The following NEK11 variants were observed in gnomAD, a reference collection of about 807,000 sequenced individuals.
NEK11 encodes the protein NIMA related kinase 11.
A neutral mutation model predicts 80.7 loss-of-function variants in NEK11; 72 were observed. The observed-to-expected ratio is 0.89, with a 90% CI of 0.74 to 1.08. NEK11 has a LOEUF of 1.08. Among genes scored for constraint, NEK11 ranks in the 50% least tolerant of loss-of-function variants. NEK11 has a pLI of 0.00. For missense variants in NEK11, 764 were observed against 763.6 expected, an observed-to-expected ratio of 1.00 and a Z score of -0.01; for synonymous variants, 251 against 260.7, an observed-to-expected ratio of 0.96 and a Z score of 0.36.
At chr3:131,266,453 T>G (rs937702268) in intron 16 of NEK11, among the ~76,000 whole-genome samples, 1 of 152,078 alleles carries the variant, frequency 6.6e-6, no homozygotes, top group Admixed American at 6.6e-5. Flanking sequence ...TTCCGCCTAT[T>G]TCGTTATTTA....
At chr3:131,283,290 G>A (rs1462897083) in intron 17 of NEK11, among the ~76,000 whole-genome samples, 1 of 152,120 alleles carries the variant, frequency 6.6e-6, no homozygotes, top group Non-Finnish European at 1.5e-5. Flanking sequence ...ATCATGCTCT[G>A]GAACCTATTT....
intron 17 of NEK11, among the ~76,000 whole-genome samples, chr3:131,331,479 G>A (rs565146721): frequency 4.6e-4 from 70 of 152,312 alleles, no homozygotes; most frequent in Admixed American, 7.8e-4. Flanking sequence ...AAGGAGGGCA[G>A]CCAAGATGGC....
intron 17 of NEK11, among the ~76,000 whole-genome samples, chr3:131,278,556 TTG>T (rs898722805): frequency 5.0e-5 from 7 of 138,774 alleles, no homozygotes; most frequent in African/African-American, 1.6e-4. Context: ...TTGTTTTGTT[TTG>T]TTTTTTTTTG....
Position 131,267,327 on chromosome 3 carries a change from T to C in NEK11, c.1622-6151T>C, listed in dbSNP as rs1436811801. On this transcript the variant is annotated intron_variant, in intron 16 of 17. Transcript: ENST00000383366. ...AGCATGTTTTTGCAGTGGCTGGTAC[T>C]GGTCGTTCCTTTCCATGTTTAGTGC... 4.6e-5 allele frequency among the ~76,000 whole-genome samples: 7 copies of C among 152,246 alleles called. No homozygotes were observed. The East Asian group carries it at 1.3e-3, about 29-fold the overall frequency.
At chr3:131,123,421 T>A (rs1320169656) in intron 5 of NEK11, among the ~76,000 whole-genome samples, 1 of 152,208 alleles carries the variant, frequency 6.6e-6, no homozygotes, top group Non-Finnish European at 1.5e-5. Flanking sequence ...TGCCTCGGCC[T>A]CCCAAAGTGC....
At chr3:131,080,297 T>A in intron 3 of NEK11, 126 bp from the exon 4 acceptor site, 1 of 676,888 alleles carries the variant, frequency 1.5e-6, no homozygotes, top group East Asian at 2.8e-5. Flanking sequence ...AGTGTCATAA[T>A]AGGCAATACC....
intron 15 of NEK11, among the ~76,000 whole-genome samples, chr3:131,242,811 C>A (rs2095539058): frequency 6.6e-6 from 1 of 152,106 alleles, no homozygotes; most frequent in Admixed American, 6.6e-5. Context: ...TTATTTCAAG[C>A]CTGCTTGGTG....
At chr3:131,125,525 T>G (rs1373437214) in intron 5 of NEK11, among the ~76,000 whole-genome samples, 1 of 152,202 alleles carries the variant, frequency 6.6e-6, no homozygotes, top group East Asian at 1.9e-4. Flanking sequence ...TATAAATAAT[T>G]CTTTAGTAAA....
chr3:131,176,327 A>G (rs540626897), intron 14 of NEK11, among the ~76,000 whole-genome samples: 9 of 152,186 alleles, frequency 5.9e-5, no homozygotes, highest in Admixed American at 2.6e-4. Flanking sequence ...ACATTCCTAG[A>G]TCTTCCGTCA....
At chr3:131,030,721 C>T (rs1477435586) in intron 3 of NEK11, among the ~76,000 whole-genome samples, 1 of 152,212 alleles carries the variant, frequency 6.6e-6, no homozygotes, top group African/African-American at 2.4e-5. Context: ...TAATGACCCC[C>T]TTGTCACCTC....
chr3:131,104,863 G>T lies in NEK11; in HGVS notation c.337-4940G>T, dbSNP rs570054589. 3.3e-5 allele frequency among the ~76,000 whole-genome samples: 5 copies of T among 152,296 alleles called. No homozygotes were observed. The East Asian group carries it at 9.7e-4, about 29-fold the overall frequency. On this transcript the variant is annotated intron_variant, in intron 4 of 17. Transcript: ENST00000383366. Reference sequence around the variant, plus strand: ...CTCTCCTGTGCCCAAGATTACAAAGGTCATGCAGACATGTGGTCCTTGGGG... The same window carrying T: ...CTCTCCTGTGCCCAAGATTACAAAGTTCATGCAGACATGTGGTCCTTGGGG...
chr3:131,295,633 C>T (rs866463450), intron 17 of NEK11, among the ~76,000 whole-genome samples: 3 of 151,942 alleles, frequency 2.0e-5, no homozygotes, highest in African/African-American at 7.3e-5. Context: ...ATATATCTGC[C>T]CCATTTCATT....
chr3:131,238,239 T>G (rs2095465362), intron 15 of NEK11, among the ~76,000 whole-genome samples: 1 of 152,176 alleles, frequency 6.6e-6, no homozygotes, highest in South Asian at 2.1e-4. Flanking sequence ...CTCTTTCCTC[T>G]CCTACTTTAT....
intron 3 of NEK11, among the ~76,000 whole-genome samples, chr3:131,070,783 G>T (rs922590105): frequency 3.3e-5 from 5 of 152,124 alleles, no homozygotes; most frequent in Non-Finnish European, 4.4e-5. Flanking sequence ...ATTAAATCTG[G>T]AGACAAAAGT....
chr3:131,259,739 C>T (rs1176040478), intron 16 of NEK11, among the ~76,000 whole-genome samples: 1 of 152,094 alleles, frequency 6.6e-6, no homozygotes. Flanking sequence ...TTAAAGGTTG[C>T]TACTTGGAGG....
chr3:131,177,865 A>G (rs77827803), intron 14 of NEK11, among the ~76,000 whole-genome samples: 2,563 of 152,348 alleles, frequency 0.017, 66 homozygotes, highest in African/African-American at 0.059. Flanking sequence ...GCTTAATGAC[A>G]GGAATATGTT....
intron 3 of NEK11, among the ~76,000 whole-genome samples, chr3:131,034,575 A>G (rs1342240622): frequency 6.6e-6 from 1 of 152,010 alleles, no homozygotes; most frequent in Non-Finnish European, 1.5e-5. Flanking sequence ...AATTTTTTGT[A>G]TTTTTAGTAG....
In NEK11 at chr3:131,290,142, G is replaced by A. The variant is rs117258559; in HGVS notation, c.1718+16568G>A. Among the ~76,000 whole-genome samples, 223 of 152,262 alleles carry A rather than the reference G, an allele frequency of 1.5e-3. 1 individual carries two copies. In the East Asian group the frequency reaches 0.016, roughly 11 times the overall value. Reference sequence around the variant, plus strand: ...TATTTTCCCATGCAAGTCAGAAATGGCTCAGCCTCTGTTTTGCACTGTTAA... The same window carrying A: ...TATTTTCCCATGCAAGTCAGAAATGACTCAGCCTCTGTTTTGCACTGTTAA... On this transcript the variant is annotated intron_variant, in intron 17 of 17. Coordinates refer to ENST00000383366, the MANE Select transcript of NEK11 (RefSeq NM_024800.5).
chr3:131,333,072 A>G (rs969608644), intron 17 of NEK11, among the ~76,000 whole-genome samples: 7 of 152,210 alleles, frequency 4.6e-5, no homozygotes, highest in African/African-American at 1.4e-4. Context: ...AACTTCCCCA[A>G]TCTAGCAAGG....
Sources: allele counts gnomAD v4.1 joint callset (sites outside exome capture counted in the v4.1 genomes callset), GRCh38; gene constraint gnomAD v4.1.1; transcripts MANE v1.5; gene names NCBI Gene and HGNC (gene_info 2026-07-23, HGNC 2026-07-21).